Variants in HS6ST3 observed in about 807,000 individuals in gnomAD.
The protein encoded by HS6ST3 is heparan-sulfate 6-O-sulfotransferase 3.
In HS6ST3, 12 loss-of-function variants were observed where a neutral mutation model predicts 36.7. The ratio of observed to expected loss-of-function variants is 0.33; its 90% CI spans 0.21 to 0.53. HS6ST3 has a LOEUF of 0.53. Ranked by LOEUF, HS6ST3 falls within the 20% of genes least tolerant of loss-of-function variation. HS6ST3 has a pLI of 0.95. For missense variants in HS6ST3, 584 were observed against 640.9 expected (o/e 0.91, Z 0.96); for synonymous variants, 240 against 257.5 (o/e 0.93, Z 0.65).
chr13:96,111,276 TG>T (rs2053867294), intron 1 of HS6ST3, among the ~76,000 whole-genome samples: 1 of 152,220 alleles, frequency 6.6e-6, no homozygotes, highest in Non-Finnish European at 1.5e-5. Context: ...TAATTACTTC[TG>T]AATGTGCATA....
intron 1 of HS6ST3, among the ~76,000 whole-genome samples, chr13:96,349,304 C>T (rs1044587642): frequency 2.6e-5 from 4 of 152,062 alleles, no homozygotes; most frequent in Admixed American, 6.5e-5. Context: ...AGTTTCTTTT[C>T]TGCAGTATTT....
intron 1 of HS6ST3, among the ~76,000 whole-genome samples, chr13:96,305,744 A>G (rs905454695): frequency 6.6e-6 from 1 of 152,040 alleles, no homozygotes; most frequent in Non-Finnish European, 1.5e-5. Flanking sequence ...TACATAATGT[A>G]TATATTATAC....
intron 1 of HS6ST3, among the ~76,000 whole-genome samples, chr13:96,309,807 A>T (rs1040145998): frequency 1.3e-5 from 2 of 152,122 alleles, no homozygotes; most frequent in African/African-American, 2.4e-5. Context: ...CAATTTTTTT[A>T]AAATTTAAAA....
At chr13:96,405,526 G>A (rs2055473138) in intron 1 of HS6ST3, among the ~76,000 whole-genome samples, 1 of 152,114 alleles carries the variant, frequency 6.6e-6, no homozygotes, top group Non-Finnish European at 1.5e-5. Context: ...ATCAGTGAAT[G>A]GAATAAAATC....
chr13:96,459,100 T>TAAAAAAAAAAAAAAAAACAAAAAAAAAAA (rs2055768826), intron 1 of HS6ST3, among the ~76,000 whole-genome samples: 1 of 63,884 alleles, frequency 1.6e-5, no homozygotes, highest in Non-Finnish European at 2.7e-5. Flanking sequence ...CAAGACTGTC[T>TAAAAAAAAAAAAAAAAACAAAAAAAAAAA]AAAAAAAAAA....
intron 1 of HS6ST3, among the ~76,000 whole-genome samples, chr13:96,514,352 A>G (rs895320478): frequency 6.6e-6 from 1 of 152,192 alleles, no homozygotes; most frequent in African/African-American, 2.4e-5. Context: ...TTCAATTTCA[A>G]GGTTTTTCTC....
chr13:96,739,219 TTGTGTGTGTGTGTG>T (rs3138578), intron 1 of HS6ST3, among the ~76,000 whole-genome samples: 415 of 126,310 alleles, frequency 3.3e-3, no homozygotes, highest in South Asian at 6.9e-3. Context: ...CGACATTTGC[TTGTGTGTGTGTGTG>T]TGTGTGTGTG....
intron 1 of HS6ST3, among the ~76,000 whole-genome samples, chr13:96,369,479 A>G (rs1594764809): frequency 6.6e-6 from 1 of 152,294 alleles, no homozygotes; most frequent in African/African-American, 2.4e-5. Flanking sequence ...CCACAATATC[A>G]CCATGTTTTG....
chr13:96,445,927 C>T (rs1344314116), intron 1 of HS6ST3, among the ~76,000 whole-genome samples: 1 of 152,006 alleles, frequency 6.6e-6, no homozygotes, highest in Non-Finnish European at 1.5e-5. Flanking sequence ...AATCCCAGCA[C>T]TTTGGGAGGC....
At position 96,192,976 on chromosome 13, in the gene HS6ST3, TG is replaced by T. The variant is rs2054295820; in HGVS notation, c.707+101409del. Among the ~76,000 whole-genome samples, 4 of 152,308 alleles carry T rather than the reference TG, an allele frequency of 2.6e-5. No individual in the cohort carries two copies. The South Asian group carries it at 8.3e-4, about 32-fold the overall frequency. The stretch of plus-strand genomic sequence containing the variant: ...CAGTCAAGAGTCTTCTGAGAGATCT[TG>T]GACTGTCTGTCAGCCTCCCTGATTG... On this transcript the variant is annotated intron_variant, in intron 1 of 1. Coordinates refer to ENST00000376705, the MANE Select transcript of HS6ST3 (RefSeq NM_153456.4).
intron 1 of HS6ST3, among the ~76,000 whole-genome samples, chr13:96,662,419 T>C (rs976014402): frequency 5.3e-5 from 8 of 152,188 alleles, no homozygotes; most frequent in Non-Finnish European, 8.8e-5. Context: ...GTCTACTTTG[T>C]AACTTCTTCA....
intron 1 of HS6ST3, among the ~76,000 whole-genome samples, chr13:96,098,600 T>C (rs533500405): frequency 3.9e-5 from 6 of 152,140 alleles, no homozygotes; most frequent in South Asian, 4.2e-4. Flanking sequence ...GGTAGGTGGG[T>C]CTCTTGAGCC....
intron 1 of HS6ST3, among the ~76,000 whole-genome samples, chr13:96,329,955 T>C (rs1203466291): frequency 8.0e-5 from 12 of 150,802 alleles, no homozygotes; most frequent in Non-Finnish European, 1.3e-4. Flanking sequence ...TTTGTCTCTT[T>C]TGATCTTTGT....
intron 1 of HS6ST3, among the ~76,000 whole-genome samples, chr13:96,577,302 G>A (rs1594810750): frequency 6.6e-6 from 1 of 152,318 alleles, no homozygotes; most frequent in East Asian, 1.9e-4. Context: ...TGCTGAGAAT[G>A]ATGGCTTCCA....
intron 1 of HS6ST3, among the ~76,000 whole-genome samples, chr13:96,249,048 C>T (rs1019733141): frequency 3.9e-5 from 6 of 152,110 alleles, no homozygotes; most frequent in African/African-American, 1.4e-4. Context: ...GGTCATTGTC[C>T]TCTGGTCTTC....
rs745960905 is a variant in HS6ST3, at chr13:96,339,608, G to A, written c.707+248039G>A. 2.0e-5 allele frequency among the ~76,000 whole-genome samples: 3 copies of A among 152,190 alleles called. No individual in the cohort carries two copies. In the East Asian group the frequency reaches 5.8e-4, roughly 29 times the overall value. ...AGCCCCCAGTATCAAAGACTATCAA[G>A]CGATCAAATAGACCAAGAGTTTATT... On this transcript the variant is annotated intron_variant, in intron 1 of 1. Coordinates refer to ENST00000376705, the MANE Select transcript of HS6ST3 (RefSeq NM_153456.4).
At chr13:96,259,201 CT>C (rs1292547224) in intron 1 of HS6ST3, among the ~76,000 whole-genome samples, 1 of 152,062 alleles carries the variant, frequency 6.6e-6, no homozygotes, top group Non-Finnish European at 1.5e-5. Flanking sequence ...TGTCCTTGCA[CT>C]TGTGCACAGG....
rs115275549 is a variant in HS6ST3, at chr13:96,721,011, T to G, written c.708-111479T>G. Among the ~76,000 whole-genome samples, 395 of 152,332 alleles carry G rather than the reference T, an allele frequency of 2.6e-3. 1 individual carries two copies. Among genetic ancestry groups the G allele is most frequent in the African/African-American group, 9.1e-3 (379 of 41,578 alleles). The stretch of plus-strand genomic sequence containing the variant: ...AACTGAAGAAAAATCATAAAATTTA[T>G]AGAAAGACTTACGTGAGCAGATAGC... On this transcript the variant is annotated intron_variant, in intron 1 of 1. Coordinates refer to ENST00000376705, the MANE Select transcript of HS6ST3 (RefSeq NM_153456.4).
chr13:96,503,596 G>T (rs528674229), intron 1 of HS6ST3, among the ~76,000 whole-genome samples: 83 of 152,090 alleles, frequency 5.5e-4, no homozygotes, highest in Non-Finnish European at 1.1e-3. Context: ...TAGTGGGATA[G>T]GGGTTCTTAT....
Sources: allele counts gnomAD v4.1 joint callset (sites outside exome capture counted in the v4.1 genomes callset), GRCh38; gene constraint gnomAD v4.1.1; transcripts MANE v1.5; gene names NCBI Gene and HGNC (gene_info 2026-07-23, HGNC 2026-07-21).